Variants in DNAH9 observed in about 807,000 individuals in gnomAD.
DNAH9 encodes the protein dynein axonemal heavy chain 9, also known as DNAH9 variant protein.
DNAH9 carries 345 observed loss-of-function variants against 471.6 expected under a neutral mutation model. The observed-to-expected ratio is 0.73, with a 90% CI of 0.67 to 0.80. The LOEUF (loss-of-function observed/expected upper bound fraction) is 0.80, where lower values mean the gene tolerates loss of function less well. Among genes scored for constraint, DNAH9 ranks in the 30% least tolerant of loss-of-function variants. The pLI, the probability that DNAH9 is intolerant of heterozygous loss-of-function variation, is 0.00. For synonymous variants in DNAH9, 2,093 were observed against 2,123.6 expected, an observed-to-expected ratio of 0.99 and a Z score of 0.40; for missense variants, 5,407 against 5,609.2, an observed-to-expected ratio of 0.96 and a Z score of 1.15.
At chr17:11,886,181 G>A (rs926031314) in intron 56 of DNAH9, among the ~76,000 whole-genome samples, 13 of 152,010 alleles carry the variant, frequency 8.6e-5, no homozygotes, top group Non-Finnish European at 1.5e-4. Context: ...AAAATTAGTC[G>A]GGCGTGGTGG....
At chr17:11,905,937 A>G (rs919183269) in intron 61 of DNAH9, 128 bp downstream of exon 61, 31 of 1,227,438 alleles carry the variant, frequency 2.5e-5, no homozygotes, top group Non-Finnish European at 2.7e-5. Flanking sequence ...TACAGAAGTC[A>G]GGGTCATTGC....
chr17:11,771,912 T>G (rs895216371), intron 38 of DNAH9, among the ~76,000 whole-genome samples: 1 of 152,184 alleles, frequency 6.6e-6, no homozygotes, highest in African/African-American at 2.4e-5. Flanking sequence ...TACAGCCCTG[T>G]GAATAAGAAT....
In DNAH9 at chr17:11,719,340, C is replaced by T. The variant is rs1381140639; in HGVS notation, c.5559C>T (p.Tyr1853=). ...GCCCTCCCGTGTTTGGCAGGTGCTA[C>T]ATCACCCTCACCCAGTCCCTGCACC... ...LVITPLTDRC[Y]ITLTQSLHLT... The change falls in exon 27 of 69, where the codon TAC becomes TAT. Residue 1853 remains tyrosine (Y), a synonymous_variant. Coordinates refer to ENST00000262442, the MANE Select transcript of DNAH9 (RefSeq NM_001372.4). The T allele has an allele frequency of 3.1e-6, 5 of 1,613,922 alleles. No individual in the cohort carries two copies. In the South Asian group the frequency reaches 3.3e-5, roughly 11 times the overall value.
intron 38 of DNAH9, among the ~76,000 whole-genome samples, chr17:11,772,810 G>A (rs772367658): frequency 1.3e-5 from 2 of 152,192 alleles, no homozygotes; most frequent in Non-Finnish European, 2.9e-5. Context: ...AGGCAACCAG[G>A]AATTGGGGAG....
At chr17:11,817,592 T>A (rs997434047) in intron 45 of DNAH9, among the ~76,000 whole-genome samples, 2 of 152,214 alleles carry the variant, frequency 1.3e-5, no homozygotes, top group Non-Finnish European at 1.5e-5. Flanking sequence ...GTCAATTAAA[T>A]CTTATTTATG....
chr17:11,963,908 G>A (rs555044383), intron 68 of DNAH9, among the ~76,000 whole-genome samples: 2 of 152,268 alleles, frequency 1.3e-5, no homozygotes, highest in Non-Finnish European at 2.9e-5. Context: ...GAATTGGAGT[G>A]ATGTATCTAC....
chr17:11,801,401 T>C (rs1267608272), intron 43 of DNAH9, among the ~76,000 whole-genome samples: 1 of 152,156 alleles, frequency 6.6e-6, no homozygotes, highest in Non-Finnish European at 1.5e-5. Flanking sequence ...GCATTAAAAG[T>C]TCAACCTGCC....
rs372327832 is a variant in DNAH9 at position 11,727,966 on chromosome 17, A to G, written c.5814+44A>G. The G allele has an allele frequency of 3.1e-5, 38 of 1,232,746 alleles. 2 individuals are homozygous for G. Among genetic ancestry groups the G allele is most frequent in the East Asian group, 1.4e-4 (6 of 43,134 alleles). 76.4% of individuals were successfully genotyped at this position (1,232,746 alleles called of 1,614,324 possible). On this transcript the variant is annotated intron_variant, in intron 28 of 68. Coordinates refer to ENST00000262442, the MANE Select transcript of DNAH9 (RefSeq NM_001372.4). The stretch of plus-strand genomic sequence containing the variant: ...TGGGAGCCTTGTGGTCTTCATATTG[A>G]TTACTGCGGAAGTCTATGTCCTCTT...
intron 46 of DNAH9, 149 bp downstream of exon 46, chr17:11,822,211 G>A: frequency 9.3e-7 from 1 of 1,069,610 alleles, no homozygotes; most frequent in African/African-American, 1.6e-5. Flanking sequence ...ACAGTTGCCA[G>A]GACACCCTTC....
chr17:11,920,129 C>G (rs1486399821), intron 61 of DNAH9, among the ~76,000 whole-genome samples: 1 of 151,308 alleles, frequency 6.6e-6, no homozygotes, highest in East Asian at 2.0e-4. Flanking sequence ...CTCTGCCTCC[C>G]AGGTTCAAGC....
chr17:11,671,457 G>A (rs2150730794), intron 17 of DNAH9, among the ~76,000 whole-genome samples: 1 of 152,270 alleles, frequency 6.6e-6, no homozygotes, highest in Admixed American at 6.5e-5. Context: ...TCTGTGGGAA[G>A]GAATAGACAA....
intron 41 of DNAH9, among the ~76,000 whole-genome samples, chr17:11,789,946 C>G (rs1377737022): frequency 6.6e-6 from 1 of 151,930 alleles, no homozygotes; most frequent in Non-Finnish European, 1.5e-5. Flanking sequence ...CTTTGACTCA[C>G]GGAATATTTA....
intron 53 of DNAH9, 117 bp from the exon 54 acceptor site, chr17:11,879,961 T>C (rs1972649371): frequency 2.4e-6 from 3 of 1,243,560 alleles, no homozygotes; most frequent in Non-Finnish European, 3.4e-6. Flanking sequence ...ACATTCCAAA[T>C]AGCTGTGCCT....
chr17:11,716,570 A>G (rs2074967824), intron 26 of DNAH9, among the ~76,000 whole-genome samples: 1 of 152,102 alleles, frequency 6.6e-6, no homozygotes, highest in Admixed American at 6.5e-5. Context: ...ATATTTTGAC[A>G]TTTCCCCCAA....
At position 11,654,320 on chromosome 17, in the gene DNAH9, C is replaced by T. The variant is rs575001474; in HGVS notation, c.2595+1318C>T. On this transcript the variant is annotated intron_variant, in intron 14 of 68. Coordinates refer to ENST00000262442, the MANE Select transcript of DNAH9 (RefSeq NM_001372.4). The stretch of plus-strand genomic sequence containing the variant: ...GCAGTGAGCCGAGATTGCGCCACTG[C>T]ACTCCAGCCTGGGCCACAGAGCGAG... Among the ~76,000 whole-genome samples the T allele has an allele frequency of 1.3e-3, 127 of 95,820 alleles. 8 individuals are homozygous for T. Among genetic ancestry groups the T allele is most frequent in the Middle Eastern group, 7.8e-3 (1 of 128 alleles). The allele number at this position is 95,820 out of a possible 152,430, so 62.9% of individuals were successfully genotyped here.
At chr17:11,858,516 GT>G (rs1388105476) in intron 50 of DNAH9, among the ~76,000 whole-genome samples, 3 of 152,072 alleles carry the variant, frequency 2.0e-5, no homozygotes, top group Admixed American at 2.0e-4. Flanking sequence ...CATTCACACA[GT>G]TTTGCTCATT....
chr17:11,718,031 A>G (rs2074995057), intron 26 of DNAH9, among the ~76,000 whole-genome samples: 1 of 115,716 alleles, frequency 8.6e-6, no homozygotes, highest in African/African-American at 2.8e-5. Flanking sequence ...ACTACACCAC[A>G]CCCATCTCAT....
At chr17:11,653,066 T>G (rs1363089505) in intron 14 of DNAH9, 64 bp downstream of exon 14, 11 of 1,560,070 alleles carry the variant, frequency 7.1e-6, no homozygotes, top group Non-Finnish European at 9.6e-6. Context: ...AAAGTGTGTT[T>G]GGATGAATAA....
At chr17:11,679,159 T>A (rs1439968396) in intron 17 of DNAH9, among the ~76,000 whole-genome samples, 1 of 152,232 alleles carries the variant, frequency 6.6e-6, no homozygotes, top group Non-Finnish European at 1.5e-5. Flanking sequence ...TAAGACAGTT[T>A]TTGATTTGTC....
Sources: gnomAD v4.1 joint callset for allele counts (sites outside exome capture counted in the v4.1 genomes callset) on GRCh38, gnomAD v4.1.1 for gene constraint, MANE v1.5 for transcripts, NCBI Gene and HGNC (gene_info 2026-07-23, HGNC 2026-07-21) for gene names.